ZRANB3: variants seen among roughly 807,000 people sequenced by gnomAD.
The protein encoded by ZRANB3 is DNA annealing helicase and endonuclease ZRANB3.
A neutral mutation model predicts 133.8 loss-of-function variants in ZRANB3; 125 were observed. The ratio of observed to expected loss-of-function variants is 0.93; its 90% confidence interval spans 0.81 to 1.08. The LOEUF is 1.08. Among genes scored for constraint, ZRANB3 ranks in the 50% least tolerant of loss-of-function variants. The pLI is 0.00. For synonymous variants in ZRANB3, 387 were observed against 432.7 expected (o/e 0.89, Z 1.31); for missense variants, 1,229 against 1,275.5 (o/e 0.96, Z 0.56).
chr2:135,517,520 A>G (rs557069426), intron 1 of ZRANB3, among the ~76,000 whole-genome samples: 1 of 152,174 alleles, frequency 6.6e-6, no homozygotes, highest in Admixed American at 6.5e-5. Context: ...TCCTTCTAAC[A>G]GTCAGGCCCC....
intron 2 of ZRANB3, among the ~76,000 whole-genome samples, chr2:135,473,337 C>T (rs1691360423): frequency 6.6e-6 from 1 of 152,052 alleles, no homozygotes; most frequent in Admixed American, 6.6e-5. Context: ...TAAACATATG[C>T]AAACATACCA....
At chr2:135,507,100 A>G (rs1040569027) in intron 1 of ZRANB3, among the ~76,000 whole-genome samples, 1 of 152,264 alleles carries the variant, frequency 6.6e-6, no homozygotes, top group African/African-American at 2.4e-5. Context: ...TTCACGAAGT[A>G]TATCAGAGGT....
In ZRANB3 at chr2:135,473,546, T is replaced by TA. The variant is rs548673772; in HGVS notation, c.161+30782dup. Among the ~76,000 whole-genome samples the TA allele has an allele frequency of 6.4e-3, 863 of 135,848 alleles. 6 individuals carry two copies. Among genetic ancestry groups the TA allele is most frequent in the Middle Eastern group, 0.019 (5 of 264 alleles). The allele number at this position is 135,848 out of a possible 152,430, so 89.1% of individuals were successfully genotyped here. On this transcript the variant is annotated intron_variant, in intron 2 of 20. Transcript: ENST00000264159. ...TGTCTCAAGATAGCTAGTAATATGCTAAAAAAAAAAAAAGATGGAAAGGAA... is the reference window on the plus strand; with the variant it reads ...TGTCTCAAGATAGCTAGTAATATGCTAAAAAAAAAAAAAAGATGGAAAGGAA...
intron 18 of ZRANB3, 143 bp from the exon 19 acceptor site, chr2:135,207,979 G>A: frequency 1.2e-6 from 1 of 804,912 alleles, no homozygotes; most frequent in East Asian, 2.7e-5. Flanking sequence ...GTTACAGTCA[G>A]CACTCTATAT....
intron 3 of ZRANB3, among the ~76,000 whole-genome samples, chr2:135,354,721 A>G (rs1685356452): frequency 6.6e-6 from 1 of 152,218 alleles, no homozygotes; most frequent in African/African-American, 2.4e-5. Flanking sequence ...CATTCTGGAA[A>G]GTAAAACAAA....
intron 2 of ZRANB3, among the ~76,000 whole-genome samples, chr2:135,453,354 GGC>G (rs1690358520): frequency 6.6e-6 from 1 of 152,156 alleles, no homozygotes; most frequent in Non-Finnish European, 1.5e-5. Context: ...ATTAACATTA[GGC>G]TCCTTGCTAC....
At chr2:135,416,474 G>A (rs868724367) in intron 2 of ZRANB3, among the ~76,000 whole-genome samples, 2 of 152,008 alleles carry the variant, frequency 1.3e-5, no homozygotes, top group African/African-American at 2.4e-5. Context: ...CAAACAAATC[G>A]AAGAACATTC....
intron 8 of ZRANB3, among the ~76,000 whole-genome samples, chr2:135,307,810 T>A (rs1028459277): frequency 1.3e-5 from 2 of 152,138 alleles, no homozygotes; most frequent in African/African-American, 4.8e-5. Flanking sequence ...AGCGCTGAGT[T>A]CTGTTTAGGT....
chr2:135,309,291 CATA>C (rs1276722333), intron 8 of ZRANB3, among the ~76,000 whole-genome samples: 1 of 152,070 alleles, frequency 6.6e-6, no homozygotes, highest in Non-Finnish European at 1.5e-5. Flanking sequence ...GCAATAACAT[CATA>C]TTTAATGGTG....
intron 19 of ZRANB3, 138 bp from the exon 20 acceptor site, chr2:135,203,101 T>C: frequency 9.9e-7 from 1 of 1,010,132 alleles, no homozygotes; most frequent in Non-Finnish European, 1.4e-6. Context: ...TTATAGCTTT[T>C]ATTGTGAGTA....
chr2:135,248,929 G>C (rs1377687585), intron 12 of ZRANB3, among the ~76,000 whole-genome samples: 2 of 152,066 alleles, frequency 1.3e-5, no homozygotes, highest in Non-Finnish European at 2.9e-5. Context: ...ACAAAAAAAA[G>C]TAGGCAAAGG....
intron 6 of ZRANB3, among the ~76,000 whole-genome samples, chr2:135,330,994 C>T (rs937120263): frequency 6.6e-6 from 1 of 152,092 alleles, no homozygotes; most frequent in Non-Finnish European, 1.5e-5. Context: ...TTTCAAAAAA[C>T]CAGCTCCTGG....
chr2:135,234,710 C>G lies in ZRANB3; in HGVS notation c.1540-3783G>C, dbSNP rs28763711. 7.2e-5 allele frequency among the ~76,000 whole-genome samples: 11 copies of G among 152,094 alleles called. No individual in the cohort carries two copies. The East Asian group carries it at 1.5e-3, about 21-fold the overall frequency. On this transcript the variant is annotated intron_variant, in intron 12 of 20. Transcript: ENST00000264159. ...ACTACTGGGTACATAATGAAATGAA[C>G]GCAGAAATAAAGATGTTCTTTGGAA...
chr2:135,471,289 T>C (rs957715712), intron 2 of ZRANB3, among the ~76,000 whole-genome samples: 1 of 152,178 alleles, frequency 6.6e-6, no homozygotes, highest in African/African-American at 2.4e-5. Flanking sequence ...CCTACTCATA[T>C]GAGTCAGTTT....
intron 2 of ZRANB3, among the ~76,000 whole-genome samples, chr2:135,483,917 CG>C (rs1209864890): frequency 6.6e-6 from 1 of 152,038 alleles, no homozygotes; most frequent in African/African-American, 2.4e-5. Flanking sequence ...TGTAGTTGAG[CG>C]GTTTTGAGTG....
At chr2:135,201,547 G>A (rs1385713945) in intron 20 of ZRANB3, among the ~76,000 whole-genome samples, 3 of 151,846 alleles carry the variant, frequency 2.0e-5, no homozygotes, top group Non-Finnish European at 1.5e-5. Context: ...TAGCTACTCA[G>A]GAGGCTGAGG....
intron 6 of ZRANB3, among the ~76,000 whole-genome samples, chr2:135,344,717 G>A (rs1684838963): frequency 6.6e-6 from 1 of 151,960 alleles, no homozygotes; most frequent in South Asian, 2.1e-4. Flanking sequence ...ATCCAGCCTG[G>A]GTAACGGAGC....
intron 12 of ZRANB3, among the ~76,000 whole-genome samples, chr2:135,237,336 G>T (rs1487687067): frequency 1.2e-4 from 18 of 150,904 alleles, no homozygotes; most frequent in East Asian, 3.9e-4. Flanking sequence ...CTTTTACACT[G>T]TTGGTGGGAC....
chr2:135,298,573 A>G (rs946272260), intron 8 of ZRANB3, among the ~76,000 whole-genome samples: 1 of 152,044 alleles, frequency 6.6e-6, no homozygotes, highest in Non-Finnish European at 1.5e-5. Context: ...GCTGGACTGC[A>G]GTGATTGTTA....
Sources: gnomAD v4.1 joint callset for allele counts (sites outside exome capture counted in the v4.1 genomes callset) on GRCh38, gnomAD v4.1.1 for gene constraint, MANE v1.5 for transcripts, NCBI Gene and HGNC (gene_info 2026-07-23, HGNC 2026-07-21) for gene names.